GNA14: variants seen among roughly 807,000 people sequenced by gnomAD.
The protein encoded by GNA14 is G protein subunit alpha 14.
In GNA14, 50 loss-of-function variants were observed where a neutral mutation model predicts 42.0. That is an observed-to-expected ratio of 1.19 (90% CI 0.95 to 1.51). The LOEUF (loss-of-function observed/expected upper bound fraction) is 1.51. GNA14 is among the 40% of genes most tolerant of loss of function. The pLI, the probability that GNA14 is intolerant of heterozygous loss-of-function variation, is 0.00. For missense variants in GNA14, 473 were observed against 446.2 expected (o/e 1.06, Z -0.54); for synonymous variants, 173 against 163.1 (o/e 1.06, Z -0.46).
intron 1 of GNA14, among the ~76,000 whole-genome samples, chr9:77,540,325 G>A (rs1436179347): frequency 1.3e-5 from 2 of 151,920 alleles, no homozygotes; most frequent in Admixed American, 6.6e-5. Flanking sequence ...TTCCATTGTG[G>A]TCTGAGAAAA....
intron 1 of GNA14, among the ~76,000 whole-genome samples, chr9:77,546,848 G>T (rs1479628413): frequency 1.3e-5 from 2 of 152,170 alleles, no homozygotes; most frequent in East Asian, 1.9e-4. Context: ...CCTCTCTCCA[G>T]GATGGGTTAA....
At chr9:77,641,797 T>C (rs1436631061) in intron 1 of GNA14, among the ~76,000 whole-genome samples, 1 of 152,120 alleles carries the variant, frequency 6.6e-6, no homozygotes, top group Non-Finnish European at 1.5e-5. Flanking sequence ...GACACAAATA[T>C]TGCATCAAAG....
intron 3 of GNA14, 90 bp downstream of exon 3, chr9:77,434,278 T>C: frequency 8.1e-7 from 1 of 1,242,120 alleles, no homozygotes; most frequent in South Asian, 1.4e-5. Context: ...GTGCACCGCA[T>C]TTCAGCAGCG....
At chr9:77,535,887 GTTTT>G (rs1235552301) in intron 1 of GNA14, among the ~76,000 whole-genome samples, 5 of 13,896 alleles carry the variant, frequency 3.6e-4, no homozygotes, top group Admixed American at 3.2e-3. Context: ...CAGTTTAGTT[GTTTT>G]GTTTTTTTTT....
chr9:77,488,697 A>T (rs889695263), intron 2 of GNA14, among the ~76,000 whole-genome samples: 1 of 150,318 alleles, frequency 6.7e-6, no homozygotes, highest in African/African-American at 2.4e-5. Flanking sequence ...GGCACCCTCT[A>T]GTGCCAAAAA....
intron 1 of GNA14, among the ~76,000 whole-genome samples, chr9:77,581,008 A>G (rs1273790920): frequency 7.6e-6 from 1 of 130,840 alleles, no homozygotes; most frequent in Non-Finnish European, 1.6e-5. Context: ...AAAGGCACAC[A>G]CACACACACA....
intron 1 of GNA14, among the ~76,000 whole-genome samples, chr9:77,607,938 A>G (rs1353524068): frequency 6.6e-6 from 1 of 152,150 alleles, no homozygotes; most frequent in Non-Finnish European, 1.5e-5. Context: ...CTAACATTAC[A>G]TTGAGGGTTA....
intron 2 of GNA14, among the ~76,000 whole-genome samples, chr9:77,502,970 C>G (rs1246258833): frequency 6.6e-6 from 1 of 152,132 alleles, no homozygotes; most frequent in Non-Finnish European, 1.5e-5. Context: ...TTTCCAGTCA[C>G]TGGCATCTTT....
At chr9:77,576,828 A>G (rs917411694) in intron 1 of GNA14, among the ~76,000 whole-genome samples, 8 of 152,160 alleles carry the variant, frequency 5.3e-5, no homozygotes, top group Non-Finnish European at 1.2e-4. Context: ...CCAATTTATG[A>G]GTGTTATCAG....
At chr9:77,502,740 G>A (rs73651513) in intron 2 of GNA14, among the ~76,000 whole-genome samples, 2,582 of 152,264 alleles carry the variant, frequency 0.017, 69 homozygotes, top group African/African-American at 0.059. Flanking sequence ...TGCCCAAGAA[G>A]GGGGGTTGGG....
Position 77,618,993 on chromosome 9 carries a change from T to C in GNA14, c.124+28677A>G, listed in dbSNP as rs188473341. Among the ~76,000 whole-genome samples, 632 of 152,048 alleles carry C rather than the reference T, an allele frequency of 4.2e-3. 1 individual carries two copies. The highest frequency in any genetic ancestry group is 6.6e-3 in the Non-Finnish European group (450 of 67,996). On this transcript the variant is annotated intron_variant, in intron 1 of 6. Coordinates refer to ENST00000341700, the MANE Select transcript of GNA14 (RefSeq NM_004297.4). Reference sequence around the variant, plus strand: ...TTAACAATAATTTTACATATTTCATTTTACTTTATTCAAATATGGCTACTG... The same window carrying C: ...TTAACAATAATTTTACATATTTCATCTTACTTTATTCAAATATGGCTACTG...
rs1326357597 is a variant in GNA14, at chr9:77,512,455, T to C, written c.309+16614A>G. 5.9e-5 allele frequency among the ~76,000 whole-genome samples: 9 copies of C among 152,340 alleles called. No homozygotes were observed. In the East Asian group the frequency reaches 1.7e-3, roughly 29 times the overall value. On this transcript the variant is annotated intron_variant, in intron 2 of 6. Transcript: ENST00000341700. ...TGACTTACCTCTGCAGAGATAATCT[T>C]ATTCTGCAGAAATAATCTCTATCCA...
intron 1 of GNA14, among the ~76,000 whole-genome samples, chr9:77,542,308 T>A (rs924595471): frequency 6.6e-6 from 1 of 152,220 alleles, no homozygotes; most frequent in Non-Finnish European, 1.5e-5. Context: ...GTAAACAGTG[T>A]CAATGGTGTC....
At chr9:77,442,984 A>T (rs1023530291) in intron 2 of GNA14, among the ~76,000 whole-genome samples, 13 of 152,248 alleles carry the variant, frequency 8.5e-5, no homozygotes, top group Non-Finnish European at 1.6e-4. Context: ...TTCAAATGAC[A>T]TAAAGATTTG....
chr9:77,553,628 T>C (rs923600031), intron 1 of GNA14, among the ~76,000 whole-genome samples: 8 of 151,908 alleles, frequency 5.3e-5, no homozygotes, highest in South Asian at 4.2e-4. Context: ...GAGGGGCAAA[T>C]TGACAAAAAA....
At chr9:77,476,562 G>A (rs1181425698) in intron 2 of GNA14, among the ~76,000 whole-genome samples, 3 of 152,214 alleles carry the variant, frequency 2.0e-5, no homozygotes, top group African/African-American at 7.2e-5. Context: ...AGTGTGAAAA[G>A]AATAAGGGCC....
At chr9:77,504,789 T>C (rs562104924) in intron 2 of GNA14, among the ~76,000 whole-genome samples, 21 of 148,854 alleles carry the variant, frequency 1.4e-4, no homozygotes, top group African/African-American at 5.2e-4. Flanking sequence ...TGCCTCAGCC[T>C]CCTGAGTAGC....
chr9:77,620,097 C>G (rs889376613), intron 1 of GNA14, among the ~76,000 whole-genome samples: 2 of 151,848 alleles, frequency 1.3e-5, no homozygotes, highest in Non-Finnish European at 2.9e-5. Flanking sequence ...CACACACACA[C>G]ACGTGCACAC....
Position 77,431,437 on chromosome 9 carries a change from G to A in GNA14, c.477C>T (p.Asp159=), listed in dbSNP as rs776087157. 1.2e-6 allele frequency: 2 copies of A among 1,613,302 alleles called. No individual in the cohort carries two copies. The highest frequency in any genetic ancestry group is 2.2e-5 in the South Asian group (2 of 90,976). ...LSDSAKYYLT[D]IDRIATPSFV... ...ATGATGGTGTGGCGATGCGGTCAAT[G>A]TCAGTCAGGTAACTGTATATTAGAG... Residue 159 remains aspartate (D), a synonymous_variant, in exon 4 of 7, where the codon GAC becomes GAT. Coordinates refer to ENST00000341700, the MANE Select transcript of GNA14 (RefSeq NM_004297.4).
Sources: allele counts gnomAD v4.1 joint callset (sites outside exome capture counted in the v4.1 genomes callset), GRCh38; gene constraint gnomAD v4.1.1; transcripts MANE v1.5; gene names NCBI Gene and HGNC (gene_info 2026-07-23, HGNC 2026-07-21).